HS3ST3B1: variants seen among roughly 807,000 people sequenced by gnomAD.
HS3ST3B1 encodes heparan sulfate-glucosamine 3-sulfotransferase 3B1.
HS3ST3B1 carries 13 observed loss-of-function variants against 21.3 expected under a neutral mutation model. The ratio of observed to expected loss-of-function variants is 0.61; its 90% CI spans 0.40 to 0.97. The LOEUF (loss-of-function observed/expected upper bound fraction) is 0.97, where lower values mean the gene tolerates loss of function less well. Among genes scored for constraint, HS3ST3B1 ranks in the 50% least tolerant of loss-of-function variants. The probability of loss-of-function intolerance (pLI) is 0.00; values close to 1 mark genes in which losing one functional copy is unlikely to be tolerated. For missense variants in HS3ST3B1, 459 were observed against 554.8 expected (o/e 0.83, Z 1.73); for synonymous variants, 234 against 254.8 (o/e 0.92, Z 0.78).
intron 1 of HS3ST3B1, among the ~76,000 whole-genome samples, chr17:14,330,882 G>A (rs1909990208): frequency 6.6e-6 from 1 of 152,126 alleles, no homozygotes; most frequent in Non-Finnish European, 1.5e-5. Context: ...AACGGTGTTA[G>A]AGACCGGGAA....
At chr17:14,319,758 C>CT (rs1438682980) in intron 1 of HS3ST3B1, among the ~76,000 whole-genome samples, 2 of 152,032 alleles carry the variant, frequency 1.3e-5, no homozygotes, top group Non-Finnish European at 1.5e-5. Context: ...AAAAGGGACA[C>CT]TATAGGCTGG....
chr17:14,330,463 A>T (rs1379058017), intron 1 of HS3ST3B1, among the ~76,000 whole-genome samples: 1 of 152,016 alleles, frequency 6.6e-6, no homozygotes, highest in African/African-American at 2.4e-5. Context: ...ACTGGAACCT[A>T]GAGTTTCATA....
intron 1 of HS3ST3B1, among the ~76,000 whole-genome samples, chr17:14,307,447 AAT>A (rs1297292145): frequency 6.6e-6 from 1 of 152,086 alleles, no homozygotes; most frequent in Non-Finnish European, 1.5e-5. Context: ...TTGAAAAGTC[AAT>A]ATGTCATATA....
intron 1 of HS3ST3B1, among the ~76,000 whole-genome samples, chr17:14,318,303 A>G (rs925181433): frequency 1.3e-5 from 2 of 152,110 alleles, no homozygotes; most frequent in Non-Finnish European, 2.9e-5. Context: ...GATCCCTGTC[A>G]TTCTTCCGGG....
chr17:14,312,579 C>T (rs953852268), intron 1 of HS3ST3B1, among the ~76,000 whole-genome samples: 14 of 152,162 alleles, frequency 9.2e-5, no homozygotes, highest in Non-Finnish European at 1.6e-4. Context: ...TTCAACCATG[C>T]CATCCGTGTG....
intron 1 of HS3ST3B1, among the ~76,000 whole-genome samples, chr17:14,322,247 T>C (rs1764328496): frequency 6.6e-6 from 1 of 152,180 alleles, no homozygotes; most frequent in Admixed American, 6.5e-5. Context: ...TTTCACATTC[T>C]GGATTTTGAG....
chr17:14,302,752 C>T (rs967136370), intron 1 of HS3ST3B1, among the ~76,000 whole-genome samples: 1 of 152,100 alleles, frequency 6.6e-6, no homozygotes, highest in Non-Finnish European at 1.5e-5. Context: ...GGCAAAGGCG[C>T]GCACTGCAAC....
intron 1 of HS3ST3B1, among the ~76,000 whole-genome samples, chr17:14,325,760 T>C (rs1243481901): frequency 1.3e-5 from 2 of 152,322 alleles, no homozygotes; most frequent in East Asian, 3.9e-4. Context: ...CTGTTTAAGA[T>C]ACGCTGCTGG....
intron 1 of HS3ST3B1, among the ~76,000 whole-genome samples, chr17:14,324,814 G>C (rs910132404): frequency 1.1e-4 from 16 of 152,090 alleles, no homozygotes; most frequent in African/African-American, 3.4e-4. Context: ...GGTCTCCACT[G>C]TGTTATCCAG....
chr17:14,321,983 ATC>A (rs1332744977), intron 1 of HS3ST3B1, among the ~76,000 whole-genome samples: 3 of 150,346 alleles, frequency 2.0e-5, no homozygotes, highest in Non-Finnish European at 4.4e-5. Flanking sequence ...TATCATCATC[ATC>A]TCTTTTATAT....
rs574815347 is a variant in HS3ST3B1 at position 14,306,562 on chromosome 17, C to G, written c.554+4490C>G. Among the ~76,000 whole-genome samples the G allele has an allele frequency of 7.2e-5, 11 of 152,340 alleles. No homozygotes were observed. The South Asian group carries it at 2.3e-3, about 32-fold the overall frequency. Reference sequence around the variant, plus strand: ...AGAATGAACATAGAAAACCCTGTAACTTCAGAAATCTCTCTCTTGAAAGCT... The same window carrying G: ...AGAATGAACATAGAAAACCCTGTAAGTTCAGAAATCTCTCTCTTGAAAGCT... On this transcript the variant is annotated intron_variant, in intron 1 of 1. Coordinates refer to ENST00000360954, the MANE Select transcript of HS3ST3B1 (RefSeq NM_006041.3).
chr17:14,333,786 G>A (rs997917797), intron 1 of HS3ST3B1, among the ~76,000 whole-genome samples: 3 of 152,134 alleles, frequency 2.0e-5, no homozygotes, highest in Admixed American at 6.5e-5. Flanking sequence ...GGATAGTAGA[G>A]GCTGAGAACC....
intron 1 of HS3ST3B1, among the ~76,000 whole-genome samples, chr17:14,333,216 C>T (rs1363612653): frequency 6.6e-6 from 1 of 151,962 alleles, no homozygotes; most frequent in Non-Finnish European, 1.5e-5. Flanking sequence ...GCCTGTAATC[C>T]CAGCACTTTG....
At chr17:14,329,530 A>T (rs530870364) in intron 1 of HS3ST3B1, 41 of 151,618 alleles carry the variant, frequency 2.7e-4, no homozygotes, top group Middle Eastern at 3.4e-3. Flanking sequence ...AGAAAGAAAA[A>T]GAAAGGAAAA....
At chr17:14,344,198 C>T (rs938947706) in intron 1 of HS3ST3B1, among the ~76,000 whole-genome samples, 2 of 152,128 alleles carry the variant, frequency 1.3e-5, no homozygotes, top group Non-Finnish European at 2.9e-5. Context: ...CTGTGCCCAG[C>T]CTGGTTTTTT....
intron 1 of HS3ST3B1, among the ~76,000 whole-genome samples, chr17:14,333,969 AG>A (rs1227729879): frequency 6.6e-6 from 1 of 152,206 alleles, no homozygotes; most frequent in East Asian, 1.9e-4. Flanking sequence ...CATGTTGGTC[AG>A]GCTGGTCTTG....
intron 1 of HS3ST3B1, among the ~76,000 whole-genome samples, chr17:14,312,459 T>G (rs551942219): frequency 6.6e-6 from 1 of 152,190 alleles, no homozygotes; most frequent in Admixed American, 6.5e-5. Context: ...TAAAAGCATT[T>G]CCAAGATTCT....
intron 1 of HS3ST3B1, among the ~76,000 whole-genome samples, chr17:14,341,820 G>A (rs1910393573): frequency 1.3e-5 from 2 of 152,142 alleles, no homozygotes; most frequent in Admixed American, 1.3e-4. Context: ...CTTAACACAG[G>A]GGAAAAAGAA....
chr17:14,316,070 C>T (rs759185439), intron 1 of HS3ST3B1, among the ~76,000 whole-genome samples: 7 of 152,170 alleles, frequency 4.6e-5, no homozygotes, highest in Non-Finnish European at 1.0e-4. Context: ...AAACATGTTT[C>T]TGAGGTTTCT....
Sources: gnomAD v4.1 joint callset for allele counts (sites outside exome capture counted in the v4.1 genomes callset) on GRCh38, gnomAD v4.1.1 for gene constraint, MANE v1.5 for transcripts, NCBI Gene and HGNC (gene_info 2026-07-23, HGNC 2026-07-21) for gene names.